Variants in NUP160 observed in about 807,000 individuals in gnomAD.
NUP160 encodes nucleoporin 160.
NUP160 carries 94 observed loss-of-function variants against 196.9 expected under a neutral mutation model. That is an observed-to-expected ratio of 0.48 (90% CI 0.40 to 0.57). The LOEUF is 0.57. Ranked by LOEUF, NUP160 falls within the 20% of genes least tolerant of loss-of-function variation. The pLI is 0.00. For missense variants in NUP160, 1,638 were observed against 1,748.3 expected (o/e 0.94, Z 1.13); for synonymous variants, 605 against 619.7 (o/e 0.98, Z 0.35).
chr11:47,840,682 C>A, intron 2 of NUP160, 94 bp from the exon 3 acceptor site: 1 of 995,012 alleles, frequency 1.0e-6, no homozygotes, highest in Non-Finnish European at 1.5e-6. Flanking sequence ...GTGAACTCAC[C>A]AAATTTGAAA....
intron 7 of NUP160, among the ~76,000 whole-genome samples, chr11:47,824,062 CAT>C (rs1235857559): frequency 8.1e-6 from 1 of 124,160 alleles, no homozygotes; most frequent in Non-Finnish European, 1.6e-5. Flanking sequence ...TACACACACA[CAT>C]AGAAGTGGAA....
chr11:47,795,175 G>T (rs2097670200), intron 27 of NUP160, among the ~76,000 whole-genome samples: 1 of 152,010 alleles, frequency 6.6e-6, no homozygotes, highest in East Asian at 1.9e-4. Context: ...AAAGTCCATT[G>T]TTCTGGAACA....
intron 3 of NUP160, 56 bp from the exon 4 acceptor site, chr11:47,840,121 C>G (rs1413325127): frequency 4.5e-6 from 6 of 1,342,504 alleles, no homozygotes; most frequent in Non-Finnish European, 6.3e-6. Context: ...GAATTTTGCT[C>G]AGTTCCTCTC....
chr11:47,807,509 T>C (rs1387065644), intron 18 of NUP160, among the ~76,000 whole-genome samples: 2 of 151,752 alleles, frequency 1.3e-5, no homozygotes, highest in African/African-American at 4.8e-5. Flanking sequence ...CTACTAAAAA[T>C]ACCAAAAATT....
chr11:47,840,251 A>G (rs1015655106), intron 3 of NUP160, 127 bp downstream of exon 3: 1 of 894,834 alleles, frequency 1.1e-6, no homozygotes, highest in Non-Finnish European at 1.8e-6. Context: ...TAGCTATCAA[A>G]GTATGCTTGG....
chr11:47,826,569 C>CG (rs1276405687), intron 7 of NUP160, among the ~76,000 whole-genome samples: 1 of 150,730 alleles, frequency 6.6e-6, no homozygotes, highest in African/African-American at 2.4e-5. Context: ...ATCCCCCCCC[C>CG]CTTTTTTTTT....
Position 47,792,818 on chromosome 11 carries a change from CA to C in NUP160, c.3417del (p.Tyr1139Ter). 6.2e-7 allele frequency: 1 copy of C among 1,614,070 alleles called. No homozygotes were observed. Among genetic ancestry groups the C allele is most frequent in the Non-Finnish European group, 8.5e-7 (1 of 1,180,000 alleles). On this transcript the variant is annotated frameshift_variant, in exon 28 of 36. Transcript: ENST00000378460. LOFTEE classifies it high-confidence loss of function. ...CCAGACACTGGCTGCACAATCCACG[CA>C]TATTCTGGACGAATAAGTCGTAAAC...
intron 33 of NUP160, 58 bp from the exon 34 acceptor site, chr11:47,783,256 C>T: frequency 1.9e-6 from 3 of 1,561,198 alleles, no homozygotes; most frequent in South Asian, 2.4e-5. Flanking sequence ...TGAGTACTGA[C>T]CAAAGAATGT....
chr11:47,799,734 T>C (rs2097673034), intron 23 of NUP160, among the ~76,000 whole-genome samples: 1 of 151,860 alleles, frequency 6.6e-6, no homozygotes, highest in Non-Finnish European at 1.5e-5. Context: ...TTTGTAGAGA[T>C]GGGGTCTTCC....
chr11:47,798,941 TAAA>T (rs57343652), intron 23 of NUP160, among the ~76,000 whole-genome samples: 2 of 112,024 alleles, frequency 1.8e-5, no homozygotes, highest in Admixed American at 1.9e-4. Flanking sequence ...TCTCTATTAT[TAAA>T]AAAAAAAAAA....
intron 1 of NUP160, 105 bp downstream of exon 1, chr11:47,848,114 G>A: frequency 1.5e-6 from 2 of 1,369,088 alleles, no homozygotes; most frequent in Non-Finnish European, 2.1e-6. Flanking sequence ...GGGGCTAGAG[G>A]CATGTGGACT....
At chr11:47,822,284 G>C (rs1851876163) in intron 7 of NUP160, 120 bp from the exon 8 acceptor site, 1 of 552,302 alleles carries the variant, frequency 1.8e-6, no homozygotes, top group African/African-American at 1.9e-5. Flanking sequence ...TGAAAGAAGA[G>C]TCTTGCTCTG....
At chr11:47,826,993 C>T (rs964753036) in intron 7 of NUP160, 23 of 455,260 alleles carry the variant, frequency 5.1e-5, no homozygotes, top group African/African-American at 4.4e-4. Flanking sequence ...TGGGACCAAA[C>T]TGAACACCCT....
intron 9 of NUP160, among the ~76,000 whole-genome samples, chr11:47,819,917 T>TA (rs1041700821): frequency 5.3e-5 from 8 of 152,244 alleles, no homozygotes; most frequent in African/African-American, 1.9e-4. Context: ...TCACAGCTAG[T>TA]AAGTTGCACA....
chr11:47,797,904 C>G lies in NUP160; in HGVS notation c.3184-20G>C. On this transcript the variant is annotated intron_variant, in intron 26 of 35. Transcript: ENST00000378460. ...CACAACCTAGGGAAGGGGAAGCAAT[C>G]AGATAACTAAGTCAGTAGCAATCAT... 1.3e-6 allele frequency: 2 copies of G among 1,592,638 alleles called. No individual in the cohort carries two copies. The highest frequency in any genetic ancestry group is 1.1e-5 in the South Asian group (1 of 90,398).
intron 29 of NUP160, among the ~76,000 whole-genome samples, chr11:47,790,943 T>C (rs1429716044): frequency 6.6e-6 from 1 of 152,226 alleles, no homozygotes; most frequent in Non-Finnish European, 1.5e-5. Context: ...TCTCCAGCTT[T>C]AGATCTTTTA....
At chr11:47,840,249 A>G (rs529183839) in intron 3 of NUP160, 129 bp downstream of exon 3, 3 of 891,440 alleles carry the variant, frequency 3.4e-6, no homozygotes, top group African/African-American at 3.3e-5. Flanking sequence ...GGTAGCTATC[A>G]AAGTATGCTT....
At chr11:47,836,999 C>T in exon 6 of NUP160, 1 of 1,602,232 alleles carries the variant, frequency 6.2e-7, no homozygotes, top group Non-Finnish European at 8.5e-7. Flanking sequence ...CGACTGGTCA[C>T]CCCTAAAACA....
intron 4 of NUP160, among the ~76,000 whole-genome samples, chr11:47,838,780 C>G (rs1852234075): frequency 6.6e-6 from 1 of 151,652 alleles, no homozygotes; most frequent in African/African-American, 2.4e-5. Context: ...CTGAGGTGGG[C>G]AGATCACAAG....
Sources: gnomAD v4.1 joint callset for allele counts (sites outside exome capture counted in the v4.1 genomes callset) on GRCh38, gnomAD v4.1.1 for gene constraint, MANE v1.5 for transcripts, NCBI Gene and HGNC (gene_info 2026-07-23, HGNC 2026-07-21) for gene names.